Variants in ACTR3C observed in about 807,000 individuals in gnomAD.
The protein encoded by ACTR3C is actin-related protein 3C.
ACTR3C carries 18 observed loss-of-function variants against 26.3 expected under a neutral mutation model. The observed-to-expected ratio is 0.68, with a 90% CI of 0.47 to 1.01. ACTR3C has a LOEUF of 1.01. Ranked by LOEUF, ACTR3C falls within the 50% of genes least tolerant of loss-of-function variation. ACTR3C has a pLI of 0.00. For missense variants in ACTR3C, 184 were observed against 250.7 expected, an observed-to-expected ratio of 0.73 and a Z score of 1.80; for synonymous variants, 55 against 94.5, an observed-to-expected ratio of 0.58 and a Z score of 2.42.
At chr7:149,918,198 A>G in the ACTR3C span, among the ~76,000 whole-genome samples, 1 of 151,976 alleles carries the variant, frequency 6.6e-6, no homozygotes, top group African/African-American at 2.4e-5. Context: ...CTTCGTATAT[A>G]TAAGATCATA....
the ACTR3C span, among the ~76,000 whole-genome samples, chr7:150,084,231 C>A: frequency 3.7e-5 from 4 of 109,088 alleles, no homozygotes; most frequent in Admixed American, 9.9e-5. Flanking sequence ...AGTTACTTGG[C>A]TTCTCTGAAA....
the ACTR3C span, among the ~76,000 whole-genome samples, chr7:149,889,311 A>C: frequency 6.6e-6 from 1 of 152,222 alleles, no homozygotes; most frequent in East Asian, 1.9e-4. Context: ...GTTTAAAGTA[A>C]ATCATAAGAA....
chr7:150,034,760 AG>A, the ACTR3C span, among the ~76,000 whole-genome samples: 1 of 126,898 alleles, frequency 7.9e-6, no homozygotes, highest in African/African-American at 3.1e-5. Flanking sequence ...GGATCAACGA[AG>A]GGGGCCCTAA....
At chr7:149,997,319 C>A in the ACTR3C span, among the ~76,000 whole-genome samples, 1 of 152,102 alleles carries the variant, frequency 6.6e-6, no homozygotes, top group African/African-American at 2.4e-5. Context: ...AATTTTAAGC[C>A]ATTTCCCTGA....
At chr7:149,907,281 G>A in the ACTR3C span, among the ~76,000 whole-genome samples, 17 of 103,228 alleles carry the variant, frequency 1.6e-4, no homozygotes, top group East Asian at 2.5e-3. Context: ...TCCATGCCAC[G>A]CAGAGAAAGT....
At chr7:150,037,121 AC>A in the ACTR3C span, among the ~76,000 whole-genome samples, 1 of 45,152 alleles carries the variant, frequency 2.2e-5, no homozygotes, top group African/African-American at 7.6e-5. Context: ...GGGAAGAGGG[AC>A]TGGCTCTCAG....
chr7:150,102,539 C>A, the ACTR3C span, among the ~76,000 whole-genome samples: 1 of 151,910 alleles, frequency 6.6e-6, no homozygotes, highest in Admixed American at 6.6e-5. Flanking sequence ...TGGACTGTAA[C>A]CTCTTTTTGG....
intron 1 of ACTR3C, among the ~76,000 whole-genome samples, chr7:150,313,669 TG>T (rs774765562): frequency 2.0e-4 from 31 of 152,156 alleles, no homozygotes; most frequent in Non-Finnish European, 4.1e-4. Context: ...TGCAATGCCC[TG>T]GCCAAGAGGA....
At chr7:149,927,685 G>A in the ACTR3C span, among the ~76,000 whole-genome samples, 6 of 150,778 alleles carry the variant, frequency 4.0e-5, no homozygotes, top group Admixed American at 3.3e-4. Context: ...CCAAGATCAC[G>A]CCATTCTACT....
chr7:150,144,769 C>T, the ACTR3C span, among the ~76,000 whole-genome samples: 7 of 152,076 alleles, frequency 4.6e-5, no homozygotes, highest in South Asian at 2.1e-4. The surrounding 1 kb of genome is among the most constrained non-coding windows in gnomAD (Gnocchi z 4.6). Flanking sequence ...AATGATTAAC[C>T]GGGCACGGTG....
intron 1 of ACTR3C, among the ~76,000 whole-genome samples, chr7:150,301,718 A>G (rs1451156654): frequency 1.3e-5 from 2 of 151,362 alleles, no homozygotes; most frequent in African/African-American, 4.9e-5. Context: ...ATCCTGGCAC[A>G]TGCTTCAACA....
the ACTR3C span, among the ~76,000 whole-genome samples, chr7:150,056,750 A>G: frequency 6.8e-6 from 1 of 146,248 alleles, no homozygotes; most frequent in South Asian, 2.3e-4. Flanking sequence ...TCTGCAGCGC[A>G]CCCATAATCA....
At chr7:150,116,716 A>G in the ACTR3C span, among the ~76,000 whole-genome samples, 1 of 151,600 alleles carries the variant, frequency 6.6e-6, no homozygotes, top group Non-Finnish European at 1.5e-5. Flanking sequence ...CACTTGTGAC[A>G]CATGTGTGTG....
At chr7:150,184,504 G>C in the ACTR3C span, among the ~76,000 whole-genome samples, 1 of 150,444 alleles carries the variant, frequency 6.6e-6, no homozygotes, top group Non-Finnish European at 1.5e-5. Flanking sequence ...CATAGGGCCA[G>C]AGGTGAATCT....
the ACTR3C span, among the ~76,000 whole-genome samples, chr7:150,219,998 C>G: frequency 1.4e-5 from 2 of 146,784 alleles, no homozygotes; most frequent in Non-Finnish European, 2.9e-5. Flanking sequence ...CCAGGGTGGC[C>G]GGCGGGAGCG....
At chr7:150,047,725 G>A in the ACTR3C span, 1 of 1,256,272 alleles carries the variant, frequency 8.0e-7, no homozygotes, top group Non-Finnish European at 1.0e-6. Context: ...CGCGGGCCGA[G>A]GGGCTTGGCT....
chr7:150,122,544 T>C, the ACTR3C span, among the ~76,000 whole-genome samples: 29 of 152,138 alleles, frequency 1.9e-4, 1 homozygote, highest in Non-Finnish European at 1.5e-5. Flanking sequence ...TGAGATACCA[T>C]CTCACGCCAG....
the ACTR3C span, among the ~76,000 whole-genome samples, chr7:149,986,449 A>G: frequency 4.6e-5 from 7 of 152,178 alleles, no homozygotes; most frequent in Non-Finnish European, 7.3e-5. Flanking sequence ...AGGGGAAATC[A>G]AGATTCTTCC....
chr7:150,185,156 C>T, the ACTR3C span, among the ~76,000 whole-genome samples: 1 of 151,814 alleles, frequency 6.6e-6, no homozygotes, highest in Non-Finnish European at 1.5e-5. Flanking sequence ...GGGGTTAAAC[C>T]CTCCCAAACA....
Sources: allele counts gnomAD v4.1 joint callset (sites outside exome capture counted in the v4.1 genomes callset), GRCh38; gene constraint gnomAD v4.1.1; non-coding constraint Gnocchi (gnomAD v3.1); transcripts MANE v1.5; gene names NCBI Gene and HGNC (gene_info 2026-07-23, HGNC 2026-07-21).